Variants in GALNT13 observed in about 807,000 individuals in gnomAD.
GALNT13 encodes polypeptide N-acetylgalactosaminyltransferase 13.
A neutral mutation model predicts 64.2 loss-of-function variants in GALNT13; 28 were observed. The ratio of observed to expected loss-of-function variants is 0.44; its 90% CI spans 0.32 to 0.60. GALNT13 has a LOEUF of 0.60. Among genes scored for constraint, GALNT13 ranks in the 20% least tolerant of loss-of-function variants. The pLI, the probability that GALNT13 is intolerant of heterozygous loss-of-function variation, is 0.05. For synonymous variants in GALNT13, 214 were observed against 224.6 expected (o/e 0.95, Z 0.42); for missense variants, 577 against 669.8 (o/e 0.86, Z 1.53).
At chr2:153,509,404 G>C in the GALNT13 span, among the ~76,000 whole-genome samples, 1 of 152,224 alleles carries the variant, frequency 6.6e-6, no homozygotes, top group East Asian at 1.9e-4. Context: ...TGGAGTCCCC[G>C]CAGCGGCTGC....
the GALNT13 span, among the ~76,000 whole-genome samples, chr2:153,327,963 C>G: frequency 6.6e-5 from 10 of 152,022 alleles, no homozygotes. Flanking sequence ...TGTTAGTGAC[C>G]TTCAGATGGT....
chr2:153,649,858 A>T, the GALNT13 span, among the ~76,000 whole-genome samples: 1 of 152,030 alleles, frequency 6.6e-6, no homozygotes, highest in East Asian at 1.9e-4. Flanking sequence ...GTTCTTTTAC[A>T]TTTGCTGAGG....
At chr2:153,579,076 G>A in the GALNT13 span, among the ~76,000 whole-genome samples, 1 of 152,186 alleles carries the variant, frequency 6.6e-6, no homozygotes, top group African/African-American at 2.4e-5. Context: ...GCGGAAAACT[G>A]TAGCTTTCCC....
At chr2:153,120,682 A>G in the GALNT13 span, among the ~76,000 whole-genome samples, 1 of 152,210 alleles carries the variant, frequency 6.6e-6, no homozygotes, top group Non-Finnish European at 1.5e-5. Flanking sequence ...TTTAATATAA[A>G]GATAAATTAT....
the GALNT13 span, among the ~76,000 whole-genome samples, chr2:153,702,535 A>G: frequency 6.6e-6 from 1 of 152,142 alleles, no homozygotes; most frequent in Non-Finnish European, 1.5e-5. Flanking sequence ...TTAGGCCAGG[A>G]TGGGGAGAAG....
chr2:153,566,773 T>A, the GALNT13 span, among the ~76,000 whole-genome samples: 2 of 152,236 alleles, frequency 1.3e-5, no homozygotes, highest in African/African-American at 4.8e-5. Flanking sequence ...TAGTTCATTG[T>A]TCTTCCCATT....
At chr2:154,431,876 T>C (rs1022818992) in intron 11 of GALNT13, among the ~76,000 whole-genome samples, 2 of 152,208 alleles carry the variant, frequency 1.3e-5, no homozygotes, top group Admixed American at 6.5e-5. Flanking sequence ...CCTTTGCTCC[T>C]CCTTCACCTT....
At chr2:153,817,143 A>T in the GALNT13 span, among the ~76,000 whole-genome samples, 2 of 152,326 alleles carry the variant, frequency 1.3e-5, no homozygotes, top group East Asian at 3.9e-4. Context: ...ACTTCATGAC[A>T]TCCCTTGCAC....
the GALNT13 span, among the ~76,000 whole-genome samples, chr2:153,443,919 C>CA: frequency 4.9e-4 from 72 of 146,218 alleles, no homozygotes; most frequent in African/African-American, 1.4e-3. Context: ...AACTCCATTT[C>CA]AAAAAAAAAA....
At chr2:153,411,182 T>A in the GALNT13 span, among the ~76,000 whole-genome samples, 625 of 121,642 alleles carry the variant, frequency 5.1e-3, 1 homozygote, top group African/African-American at 9.7e-3. Flanking sequence ...TATATATATT[T>A]TTTTTTTTTC....
chr2:153,623,364 G>C, the GALNT13 span, among the ~76,000 whole-genome samples: 1 of 152,060 alleles, frequency 6.6e-6, no homozygotes, highest in Admixed American at 6.6e-5. Flanking sequence ...TTAGCTTCTT[G>C]AAATATAAAA....
At chr2:154,162,745 T>G (rs1684807173) in intron 4 of GALNT13, among the ~76,000 whole-genome samples, 1 of 152,202 alleles carries the variant, frequency 6.6e-6, no homozygotes, top group African/African-American at 2.4e-5. Flanking sequence ...CAAAAATATT[T>G]GTTGGCAGAA....
At chr2:154,366,409 A>G (rs1407136914) in intron 9 of GALNT13, among the ~76,000 whole-genome samples, 4 of 152,220 alleles carry the variant, frequency 2.6e-5, no homozygotes, top group African/African-American at 9.6e-5. Flanking sequence ...AATCATGAGC[A>G]CTATGCCTTG....
At chr2:154,085,984 GT>G (rs1302103893) in intron 3 of GALNT13, among the ~76,000 whole-genome samples, 5 of 151,718 alleles carry the variant, frequency 3.3e-5, no homozygotes, top group African/African-American at 1.2e-4. Flanking sequence ...GCCATTAGTA[GT>G]ATACACTGGA....
the GALNT13 span, among the ~76,000 whole-genome samples, chr2:153,532,912 G>T: frequency 4.3e-4 from 66 of 152,248 alleles, 1 homozygote; most frequent in East Asian, 0.012. Context: ...AATAAAAGTG[G>T]ATTGTTTGTA....
chr2:153,125,938 G>A, the GALNT13 span, among the ~76,000 whole-genome samples: 3 of 151,968 alleles, frequency 2.0e-5, no homozygotes, highest in Admixed American at 6.6e-5. Flanking sequence ...AGAGACTGGT[G>A]GAGAAAAAAG....
intron 8 of GALNT13, among the ~76,000 whole-genome samples, chr2:154,260,831 G>A (rs1229765995): frequency 6.6e-6 from 1 of 152,078 alleles, no homozygotes; most frequent in Non-Finnish European, 1.5e-5. Flanking sequence ...TATTCTTCGG[G>A]TGCTATGCTG....
intron 3 of GALNT13, among the ~76,000 whole-genome samples, chr2:154,089,157 G>C (rs771712493): frequency 9.2e-5 from 14 of 152,064 alleles, no homozygotes; most frequent in Non-Finnish European, 1.8e-4. Context: ...CCAAACAAGT[G>C]AGTTCCTTTC....
intron 8 of GALNT13, among the ~76,000 whole-genome samples, chr2:154,298,862 TTATATATACATTATA>T (rs1693247678): frequency 7.9e-6 from 1 of 127,218 alleles, no homozygotes; most frequent in Non-Finnish European, 1.6e-5. Flanking sequence ...TATATATACA[TTATATATACATTATA>T]TATTATTTAT....
Sources: gnomAD v4.1 joint callset for allele counts (sites outside exome capture counted in the v4.1 genomes callset) on GRCh38, gnomAD v4.1.1 for gene constraint, MANE v1.5 for transcripts, NCBI Gene and HGNC (gene_info 2026-07-23, HGNC 2026-07-21) for gene names.